The following EMSY variants were observed in gnomAD, a reference collection of about 807,000 sequenced individuals.
EMSY encodes BRCA2-interacting transcriptional repressor EMSY.
In EMSY, 26 loss-of-function variants were observed where a neutral mutation model predicts 134.6. The ratio of observed to expected loss-of-function variants is 0.19; its 90% CI spans 0.14 to 0.27. The LOEUF is 0.27. EMSY is among the 10% of genes least tolerant of loss of function. EMSY has a pLI of 1.00. For missense variants in EMSY, 1,305 were observed against 1,611.4 expected (o/e 0.81, Z 3.26); for synonymous variants, 579 against 577.8 (o/e 1.00, Z -0.03).
chr11:76,544,955 T>C, intron 19 of EMSY, 133 bp downstream of exon 20: 4 of 962,744 alleles, frequency 4.2e-6, no homozygotes, highest in Non-Finnish European at 6.0e-6. Flanking sequence ...ATTACGCTGG[T>C]ATTACTTTGC....
intron 20 of EMSY, 112 bp downstream of exon 21, chr11:76,546,409 T>C (rs11602123): frequency 0.04 from 55,460 of 1,376,968 alleles, 1,246 homozygotes; most frequent in Middle Eastern, 0.045. Flanking sequence ...CAGGAAGACA[T>C]AGATATTATC....
At chr11:76,448,647 T>A (rs1947520764) in intron 2 of EMSY, among the ~76,000 whole-genome samples, 1 of 151,870 alleles carries the variant, frequency 6.6e-6, no homozygotes, top group African/African-American at 2.4e-5. Context: ...TCTCGTATGG[T>A]AATATCATCT....
intron 9 of EMSY, among the ~76,000 whole-genome samples, chr11:76,509,379 C>T (rs1950192970): frequency 6.6e-6 from 1 of 152,132 alleles, no homozygotes; most frequent in African/African-American, 2.4e-5. Flanking sequence ...TATAATCCCG[C>T]TACTCGGGAG....
chr11:76,502,044 G>GAAAAAAAAAAAAAAAAA (rs57263473), intron 9 of EMSY, among the ~76,000 whole-genome samples: 1 of 93,098 alleles, frequency 1.1e-5, no homozygotes, highest in Admixed American at 1.2e-4. Flanking sequence ...CATTTGAAAT[G>GAAAAAAAAAAAAAAAAA]AAAAAAAAAA....
intron 8 of EMSY, among the ~76,000 whole-genome samples, chr11:76,492,890 G>A (rs1313094846): frequency 6.6e-6 from 1 of 152,088 alleles, no homozygotes; most frequent in African/African-American, 2.4e-5. Context: ...CCCGCCTGTG[G>A]CCACCCATGA....
chr11:76,493,305 G>A (rs1260662029), intron 8 of EMSY, among the ~76,000 whole-genome samples: 1 of 152,202 alleles, frequency 6.6e-6, no homozygotes, highest in African/African-American at 2.4e-5. Flanking sequence ...GTCGAGGGTG[G>A]GTTGATAAGG....
rs895120055 is a variant in EMSY, at chr11:76,523,138, C to T, written c.1685-17C>T. 6.3e-7 allele frequency: 1 copy of T among 1,599,830 alleles called. No individual in the cohort carries two copies. Among genetic ancestry groups the T allele is most frequent in the Middle Eastern group, 1.7e-4 (1 of 5,968 alleles). Reference sequence around the variant, plus strand: ...TAGTCCTTAACTCAGGCCTCCTTTTCTTCCCCCTTTTCTAAGGAACGACTA... The same window carrying T: ...TAGTCCTTAACTCAGGCCTCCTTTTTTTCCCCCTTTTCTAAGGAACGACTA... On this transcript the variant is annotated splice_polypyrimidine_tract_variant and intron_variant, in intron 11 of 20. Transcript: ENST00000334736.
chr11:76,471,390 T>C (rs1948562846), intron 7 of EMSY, among the ~76,000 whole-genome samples: 1 of 152,148 alleles, frequency 6.6e-6, no homozygotes, highest in African/African-American at 2.4e-5. Context: ...GATACATTGT[T>C]ATAGCTAATA....
chr11:76,537,141 G>A (rs1951252745), intron 15 of EMSY, among the ~76,000 whole-genome samples: 1 of 152,162 alleles, frequency 6.6e-6, no homozygotes, highest in African/African-American at 2.4e-5. Flanking sequence ...TTATAGAGGT[G>A]GGGACTTTGA....
intron 9 of EMSY, among the ~76,000 whole-genome samples, chr11:76,499,017 A>G (rs1319356606): frequency 1.3e-5 from 2 of 152,352 alleles, no homozygotes; most frequent in Admixed American, 1.3e-4. Flanking sequence ...GCTGGAGTGC[A>G]GTGGCACAAT....
intron 16 of EMSY, among the ~76,000 whole-genome samples, 169 bp downstream of exon 17, chr11:76,538,119 GAAA>G (rs200244644): frequency 1.3e-4 from 20 of 151,524 alleles, no homozygotes; most frequent in African/African-American, 4.8e-4. Flanking sequence ...TAATGACTAG[GAAA>G]AAAAATAGGA....
In EMSY at chr11:76,445,761, C is replaced by T. The variant is rs186139453; in HGVS notation, c.-40+633C>T. On this transcript the variant is annotated intron_variant, in intron 1 of 20. Coordinates refer to ENST00000334736, the Ensembl canonical transcript of EMSY. ...CTCGGTTCGAGCAGTCGCCGGCCGC[C>T]TCCAAGATCCTGTCGGGAGGCGGGG... 1.8e-3 allele frequency among the ~76,000 whole-genome samples: 281 copies of T among 152,286 alleles called. 1 individual carries two copies. Among genetic ancestry groups the T allele is most frequent in the African/African-American group, 6.5e-3 (270 of 41,560 alleles).
At chr11:76,461,722 A>G (rs1234464475) in intron 6 of EMSY, among the ~76,000 whole-genome samples, 1 of 151,970 alleles carries the variant, frequency 6.6e-6, no homozygotes, top group South Asian at 2.1e-4. Context: ...AGTTGAGGTC[A>G]GGCGTTCGAG....
intron 8 of EMSY, among the ~76,000 whole-genome samples, chr11:76,490,890 G>A (rs568174793): frequency 3.9e-5 from 6 of 151,988 alleles, no homozygotes; most frequent in Non-Finnish European, 8.8e-5. Context: ...GTAAACACAT[G>A]TACATCTGTA....
At chr11:76,526,697 C>T (rs887589473) in intron 13 of EMSY, 62 bp downstream of exon 14, 51 of 1,415,004 alleles carry the variant, frequency 3.6e-5, no homozygotes, top group East Asian at 2.2e-4. Flanking sequence ...TTATAATTCC[C>T]GGGTAGAAAT....
intron 12 of EMSY, among the ~76,000 whole-genome samples, chr11:76,526,235 A>G (rs1278311815): frequency 6.6e-6 from 1 of 152,230 alleles, no homozygotes; most frequent in Non-Finnish European, 1.5e-5. Flanking sequence ...AAATTCGCTC[A>G]TCAGAGAATA....
intron 11 of EMSY, among the ~76,000 whole-genome samples, chr11:76,520,904 A>T (rs544163377): frequency 2.0e-5 from 3 of 152,312 alleles, no homozygotes; most frequent in African/African-American, 7.2e-5. Flanking sequence ...CTAAGTAATA[A>T]TTCTGTGCTT....
intron 11 of EMSY, among the ~76,000 whole-genome samples, chr11:76,522,352 CTTTTTTTTTTT>C (rs71040003): frequency 2.7e-4 from 12 of 44,222 alleles, no homozygotes; most frequent in African/African-American, 6.6e-4. Flanking sequence ...GTTTACTTTG[CTTTTTTTTTTT>C]TTTTTTTTTT....
chr11:76,499,412 C>A (rs2135868840), intron 9 of EMSY, among the ~76,000 whole-genome samples: 1 of 148,548 alleles, frequency 6.7e-6, no homozygotes, highest in East Asian at 2.0e-4. Context: ...CTCAGCCTCC[C>A]AAGTAGATGG....
Sources: gnomAD v4.1 joint callset for allele counts (sites outside exome capture counted in the v4.1 genomes callset) on GRCh38, gnomAD v4.1.1 for gene constraint, MANE v1.5 for transcripts, NCBI Gene and HGNC (gene_info 2026-07-23, HGNC 2026-07-21) for gene names.